The following ARHGAP17 variants were observed in gnomAD, a reference collection of about 807,000 sequenced individuals.
ARHGAP17 encodes Rho GTPase activating protein 17, also known as rho GTPase-activating protein 17.
In ARHGAP17, 57 loss-of-function variants were observed where a neutral mutation model predicts 99.5. That is an observed-to-expected ratio of 0.57 (90% CI 0.46 to 0.71). The LOEUF is 0.71. ARHGAP17 is among the 30% of genes least tolerant of loss of function. ARHGAP17 has a pLI of 0.00. For synonymous variants in ARHGAP17, 417 were observed against 429.6 expected (o/e 0.97, Z 0.36); for missense variants, 1,000 against 1,122.4 (o/e 0.89, Z 1.56).
intron 1 of ARHGAP17, among the ~76,000 whole-genome samples, chr16:24,984,871 GA>G (rs574289852): frequency 6.6e-6 from 1 of 150,814 alleles, no homozygotes; most frequent in African/African-American, 2.4e-5. Context: ...TATAAAATGG[GA>G]AAAAAAACCA....
At chr16:24,953,082 G>T in intron 10 of ARHGAP17, 40 bp from the exon 11 acceptor site, 1 of 1,586,088 alleles carries the variant, frequency 6.3e-7, no homozygotes, top group Non-Finnish European at 8.7e-7. Flanking sequence ...AGTGCAGGTT[G>T]GGACACTCAG....
chr16:24,924,481 T>G (rs1431511005), intron 19 of ARHGAP17, among the ~76,000 whole-genome samples: 2 of 151,332 alleles, frequency 1.3e-5, no homozygotes. Context: ...CTGTATGAAC[T>G]TAGTTCCAAG....
intron 1 of ARHGAP17, among the ~76,000 whole-genome samples, chr16:24,982,977 TA>T (rs1343968500): frequency 2.0e-4 from 4 of 19,784 alleles, no homozygotes; most frequent in African/African-American, 8.2e-4. Context: ...TATATATATA[TA>T]TATATATATA....
At position 24,920,025 on chromosome 16, in the gene ARHGAP17, C is replaced by T; in HGVS notation, c.*105G>A. ...CCGCACAGTGAGGCCCTCCTTTGTCCTCCACTGAAAGCTTTTCACTGTTCG... is the reference window on the plus strand; with the variant it reads ...CCGCACAGTGAGGCCCTCCTTTGTCTTCCACTGAAAGCTTTTCACTGTTCG... On this transcript the variant is annotated 3_prime_UTR_variant, in exon 20 of 20. Transcript: ENST00000289968. 6.7e-7 allele frequency: 1 copy of T among 1,499,886 alleles called. No homozygotes were observed. Among genetic ancestry groups the T allele is most frequent in the Non-Finnish European group, 9.0e-7 (1 of 1,105,886 alleles). The allele number at this position is 1,499,886 out of a possible 1,614,324, so 92.9% of individuals were successfully genotyped here.
intron 19 of ARHGAP17, among the ~76,000 whole-genome samples, chr16:24,928,340 A>C (rs914353125): frequency 2.6e-5 from 4 of 152,212 alleles, no homozygotes; most frequent in Non-Finnish European, 5.9e-5. Flanking sequence ...CATAGCATAG[A>C]CCGGTTTTTA....
chr16:24,950,283 T>A (rs1455094042), intron 12 of ARHGAP17, among the ~76,000 whole-genome samples: 1 of 152,198 alleles, frequency 6.6e-6, no homozygotes, highest in African/African-American at 2.4e-5. Flanking sequence ...CGCCTTCTTT[T>A]ACAAGTTTAT....
At chr16:24,991,835 G>A (rs923890197) in intron 1 of ARHGAP17, among the ~76,000 whole-genome samples, 8 of 152,110 alleles carry the variant, frequency 5.3e-5, no homozygotes, top group South Asian at 2.1e-4. Flanking sequence ...TCATTCAGAC[G>A]GTATTTACGG....
At chr16:24,970,948 TCA>T (rs772543715) in intron 3 of ARHGAP17, among the ~76,000 whole-genome samples, 8 of 152,202 alleles carry the variant, frequency 5.3e-5, no homozygotes, top group Non-Finnish European at 1.0e-4. Flanking sequence ...TGATCTTGAC[TCA>T]CTGCAGTCTC....
chr16:24,927,715 A>G, intron 19 of ARHGAP17: 1 of 1,224,762 alleles, frequency 8.2e-7, no homozygotes, highest in Non-Finnish European at 1.1e-6. Context: ...TTCTTACTGA[A>G]TATGGCAGGT....
intron 1 of ARHGAP17, among the ~76,000 whole-genome samples, chr16:24,988,628 T>G (rs184529260): frequency 3.3e-5 from 5 of 152,332 alleles, no homozygotes. Flanking sequence ...CAGTTACATT[T>G]TACCCTAAAT....
intron 1 of ARHGAP17, among the ~76,000 whole-genome samples, chr16:25,009,225 G>T (rs955799111): frequency 2.0e-5 from 3 of 152,174 alleles, no homozygotes; most frequent in Admixed American, 2.0e-4. Flanking sequence ...AAATTAGCCA[G>T]GCTTGGTGGC....
intron 1 of ARHGAP17, among the ~76,000 whole-genome samples, chr16:24,979,592 A>AACT (rs2052614513): frequency 6.6e-6 from 1 of 152,136 alleles, no homozygotes; most frequent in African/African-American, 2.4e-5. Flanking sequence ...CTATGCTTTG[A>AACT]ACTACTACTA....
chr16:25,009,747 G>C (rs2053596233), intron 1 of ARHGAP17, among the ~76,000 whole-genome samples: 1 of 151,986 alleles, frequency 6.6e-6, no homozygotes, highest in South Asian at 2.1e-4. Context: ...CTGGGTTTGG[G>C]TCCACGGCTC....
At chr16:24,967,026 A>G (rs569642399) in intron 6 of ARHGAP17, among the ~76,000 whole-genome samples, 1 of 152,228 alleles carries the variant, frequency 6.6e-6, no homozygotes, top group African/African-American at 2.4e-5. Flanking sequence ...CACCTAATTG[A>G]TATCAGTTGA....
chr16:24,980,529 C>T (rs1164976160), intron 1 of ARHGAP17, among the ~76,000 whole-genome samples: 1 of 152,164 alleles, frequency 6.6e-6, no homozygotes, highest in Non-Finnish European at 1.5e-5. Context: ...AACAGGCCAA[C>T]ATATGCTACC....
intron 1 of ARHGAP17, among the ~76,000 whole-genome samples, chr16:24,996,517 C>T (rs2053195710): frequency 6.6e-6 from 1 of 152,100 alleles, no homozygotes; most frequent in Non-Finnish European, 1.5e-5. Context: ...TCTCCTTTGC[C>T]ACCCACAACT....
At chr16:24,937,016 G>A (rs1437714835) in intron 17 of ARHGAP17, among the ~76,000 whole-genome samples, 3 of 151,888 alleles carry the variant, frequency 2.0e-5, no homozygotes, top group African/African-American at 7.3e-5. Context: ...TTGGGAGGCT[G>A]AGGTGGGAAG....
At chr16:24,960,121 C>A (rs1402581653) in intron 7 of ARHGAP17, 142 bp from the exon 8 acceptor site, 2 of 726,432 alleles carry the variant, frequency 2.8e-6, no homozygotes, top group East Asian at 2.6e-5. Flanking sequence ...CCTGGTACAA[C>A]CATACAGAAA....
intron 13 of ARHGAP17, 30 bp downstream of exon 13, chr16:24,949,374 C>G (rs1365196888): frequency 6.3e-7 from 1 of 1,581,746 alleles, no homozygotes; most frequent in Non-Finnish European, 8.7e-7. Flanking sequence ...TATCTTCACT[C>G]CAGAGTCATT....
Sources: gnomAD v4.1 joint callset for allele counts (sites outside exome capture counted in the v4.1 genomes callset) on GRCh38, gnomAD v4.1.1 for gene constraint, MANE v1.5 for transcripts, NCBI Gene and HGNC (gene_info 2026-07-23, HGNC 2026-07-21) for gene names.